The following CDK17 variants were observed in gnomAD, a reference collection of about 807,000 sequenced individuals.
CDK17 encodes cyclin-dependent kinase 17.
A neutral mutation model predicts 77.6 loss-of-function variants in CDK17; 24 were observed. That is an observed-to-expected ratio of 0.31 (90% CI 0.22 to 0.44). CDK17 has a LOEUF of 0.44. Among genes scored for constraint, CDK17 ranks in the 20% least tolerant of loss-of-function variants. The pLI is 1.00. For missense variants in CDK17, 429 were observed against 622.5 expected (o/e 0.69, Z 3.31); for synonymous variants, 203 against 210.4 (o/e 0.96, Z 0.30).
chr12:96,351,180 T>C lies in CDK17; in HGVS notation c.-29-16315A>G, dbSNP rs553183681. ...ATGGCTACTATCAAACAGAAAGCAG[T>C]GTCAGTGAGGATGTGGACAAACTGG... On this transcript the variant is annotated intron_variant, in intron 1 of 16. Coordinates refer to ENST00000261211, the MANE Select transcript of CDK17 (RefSeq NM_002595.5). Among the ~76,000 whole-genome samples, 3 of 152,130 alleles carry C rather than the reference T, an allele frequency of 2.0e-5. No individual in the cohort carries two copies. The South Asian group carries it at 6.2e-4, about 32-fold the overall frequency.
rs181465351 is a variant in CDK17, at chr12:96,392,869, G to A, written c.-30+7117C>T. ...CATAAAACCTGGAAAGAAGGCTGTG[G>A]ACAGAATACTCAGACAACCAACATT... On this transcript the variant is annotated intron_variant, in intron 1 of 16. Coordinates refer to ENST00000261211, the MANE Select transcript of CDK17 (RefSeq NM_002595.5). Among the ~76,000 whole-genome samples the A allele has an allele frequency of 5.9e-5, 9 of 152,286 alleles. No individual in the cohort carries two copies. In the East Asian group the frequency reaches 1.3e-3, roughly 23 times the overall value.
chr12:96,284,108 G>C (rs1234774487), intron 13 of CDK17, among the ~76,000 whole-genome samples: 1 of 152,188 alleles, frequency 6.6e-6, no homozygotes, highest in Non-Finnish European at 1.5e-5. Flanking sequence ...TTTTAGAGTT[G>C]TCTGCTTAGC....
intron 1 of CDK17, among the ~76,000 whole-genome samples, chr12:96,336,946 T>C (rs1444156515): frequency 3.9e-5 from 6 of 152,230 alleles, no homozygotes; most frequent in East Asian, 1.9e-4. Context: ...TTTTCTTCTC[T>C]TGATCTTTTT....
At chr12:96,313,560 TAA>T (rs1412762104) in intron 3 of CDK17, 106 bp from the exon 4 acceptor site, 1 of 580,602 alleles carries the variant, frequency 1.7e-6, no homozygotes. Context: ...AATCACAGCA[TAA>T]AAAGTCATTT....
chr12:96,303,745 T>C (rs1232826389), intron 5 of CDK17, among the ~76,000 whole-genome samples: 1 of 152,054 alleles, frequency 6.6e-6, no homozygotes, highest in African/African-American at 2.4e-5. Flanking sequence ...TTGTAAGCAA[T>C]ACCAAGCCTT....
At chr12:96,285,174 A>G (rs1952230961) in intron 13 of CDK17, among the ~76,000 whole-genome samples, 1 of 152,230 alleles carries the variant, frequency 6.6e-6, no homozygotes, top group African/African-American at 2.4e-5. Context: ...GCTACTTGGG[A>G]GAGACATGCA....
chr12:96,375,510 CTTTTTTTT>C (rs34451499), intron 1 of CDK17, among the ~76,000 whole-genome samples: 1 of 101,574 alleles, frequency 9.8e-6, no homozygotes, highest in East Asian at 3.2e-4. Context: ...TGATCCTAAC[CTTTTTTTT>C]TTTTTTTTTT....
chr12:96,329,554 G>A (rs1346187142), intron 2 of CDK17, among the ~76,000 whole-genome samples: 1 of 152,034 alleles, frequency 6.6e-6, no homozygotes, highest in Non-Finnish European at 1.5e-5. Flanking sequence ...TCCCAAACCT[G>A]CTCTTTCAAA....
chr12:96,296,591 A>C (rs1277636511), intron 9 of CDK17, among the ~76,000 whole-genome samples: 1 of 152,222 alleles, frequency 6.6e-6, no homozygotes, highest in Non-Finnish European at 1.5e-5. Flanking sequence ...CATATTGTTG[A>C]CTAAGTTTGG....
intron 6 of CDK17, 98 bp downstream of exon 6, chr12:96,300,206 C>A (rs1952477397): frequency 1.2e-6 from 1 of 809,834 alleles, no homozygotes; most frequent in Non-Finnish European, 2.1e-6. Context: ...GACATCAGTA[C>A]TTACGTTTTT....
chr12:96,322,751 T>C (rs928956569), intron 3 of CDK17, among the ~76,000 whole-genome samples: 1 of 152,232 alleles, frequency 6.6e-6, no homozygotes, highest in African/African-American at 2.4e-5. Flanking sequence ...GCAATGACTT[T>C]TGCATATTCA....
intron 1 of CDK17, among the ~76,000 whole-genome samples, chr12:96,387,712 C>G (rs1953997749): frequency 1.3e-5 from 2 of 152,060 alleles, no homozygotes; most frequent in South Asian, 4.1e-4. Context: ...GAGGCCGAGG[C>G]TCGAGAATCA....
At chr12:96,299,518 G>T (rs556202102) in intron 6 of CDK17, among the ~76,000 whole-genome samples, 55 of 151,612 alleles carry the variant, frequency 3.6e-4, no homozygotes, top group African/African-American at 1.3e-3. Context: ...AGCCTCCCGA[G>T]TAGCTGGGAT....
At chr12:96,372,619 G>A (rs1001593620) in intron 1 of CDK17, among the ~76,000 whole-genome samples, 38 of 151,896 alleles carry the variant, frequency 2.5e-4, no homozygotes, top group African/African-American at 9.2e-4. Flanking sequence ...GTAAGAAAAG[G>A]TGTACCTGAA....
chr12:96,289,365 A>G (rs1952289817), intron 10 of CDK17, 78 bp from the exon 11 acceptor site: 6 of 1,471,736 alleles, frequency 4.1e-6, no homozygotes, highest in South Asian at 2.3e-5. Context: ...CCATGACTCC[A>G]TTCAAAGGGA....
intron 6 of CDK17, among the ~76,000 whole-genome samples, chr12:96,299,501 C>G (rs1565809160): frequency 6.6e-6 from 1 of 150,654 alleles, no homozygotes; most frequent in South Asian, 2.1e-4. Context: ...AGCGATTCTC[C>G]TGACTCAGCC....
intron 5 of CDK17, chr12:96,303,176 A>C (rs2137090982): frequency 6.6e-6 from 1 of 152,190 alleles, no homozygotes; most frequent in East Asian, 1.9e-4. Flanking sequence ...CAGAGGACAA[A>C]GCTCATTTAT....
intron 1 of CDK17, among the ~76,000 whole-genome samples, chr12:96,357,708 C>T (rs1953421079): frequency 6.6e-6 from 1 of 152,202 alleles, no homozygotes; most frequent in Non-Finnish European, 1.5e-5. Context: ...GCCCTACCTT[C>T]TCTGTGAGAG....
intron 5 of CDK17, among the ~76,000 whole-genome samples, chr12:96,306,166 C>G (rs984625800): frequency 6.6e-6 from 1 of 152,182 alleles, no homozygotes; most frequent in African/African-American, 2.4e-5. Flanking sequence ...TAGACCCATT[C>G]AGCCCTACTG....
Sources: allele counts gnomAD v4.1 joint callset (sites outside exome capture counted in the v4.1 genomes callset), GRCh38; gene constraint gnomAD v4.1.1; transcripts MANE v1.5; gene names NCBI Gene and HGNC (gene_info 2026-07-23, HGNC 2026-07-21).